ZDHHC21: variants seen among roughly 807,000 people sequenced by gnomAD.
ZDHHC21 encodes zDHHC palmitoyltransferase 21.
In ZDHHC21, 15 loss-of-function variants were observed where a neutral mutation model predicts 34.6. The observed-to-expected ratio is 0.43, with a 90% CI of 0.29 to 0.67. The LOEUF (loss-of-function observed/expected upper bound fraction) is 0.67, where lower values mean the gene tolerates loss of function less well. ZDHHC21 is among the 30% of genes least tolerant of loss of function. ZDHHC21 has a pLI of 0.14. For missense variants in ZDHHC21, 344 were observed against 327.7 expected (o/e 1.05, Z -0.38); for synonymous variants, 142 against 101.8 (o/e 1.40, Z -2.38).
the ZDHHC21 span, chr9:14,589,334 G>C: frequency 6.6e-6 from 1 of 152,288 alleles, no homozygotes; most frequent in East Asian, 1.9e-4. Flanking sequence ...TTGGCTGACA[G>C]GTGGTATAGT....
chr9:14,591,017 C>T, the ZDHHC21 span, among the ~76,000 whole-genome samples: 1 of 152,008 alleles, frequency 6.6e-6, no homozygotes, highest in Non-Finnish European at 1.5e-5. Context: ...TTACATTATA[C>T]TTGAAGTAGC....
intron 7 of ZDHHC21, among the ~76,000 whole-genome samples, chr9:14,646,642 A>C (rs1049760675): frequency 6.6e-6 from 1 of 152,066 alleles, no homozygotes; most frequent in African/African-American, 2.4e-5. Context: ...CGAACTTTCA[A>C]ATCAGGACTG....
intron 7 of ZDHHC21, among the ~76,000 whole-genome samples, chr9:14,656,892 C>G (rs993007228): frequency 1.3e-5 from 2 of 151,940 alleles, no homozygotes; most frequent in African/African-American, 4.8e-5. Context: ...ACTTTTTATA[C>G]TCACTTTTTA....
At chr9:14,677,506 C>T (rs1004312296) in intron 3 of ZDHHC21, 3 of 152,002 alleles carry the variant, frequency 2.0e-5, no homozygotes, top group African/African-American at 7.2e-5. Context: ...CCAAACTGAA[C>T]ACAATGCTGT....
chr9:14,589,144 C>A, the ZDHHC21 span: 2 of 152,236 alleles, frequency 1.3e-5, no homozygotes, highest in South Asian at 2.1e-4. Context: ...TGAGCCTCAA[C>A]AGAAGTGCTC....
intron 2 of ZDHHC21, among the ~76,000 whole-genome samples, chr9:14,681,683 G>C (rs1011475768): frequency 3.9e-5 from 6 of 151,956 alleles, no homozygotes; most frequent in African/African-American, 1.2e-4. Flanking sequence ...GAAATGATGA[G>C]GGCACATGGA....
the ZDHHC21 span, among the ~76,000 whole-genome samples, chr9:14,591,076 C>A: frequency 1.3e-5 from 2 of 151,886 alleles, no homozygotes; most frequent in East Asian, 1.9e-4. Context: ...GTAATTCTAA[C>A]AGAAACCATT....
At chr9:14,640,324 AAG>A (rs1491082879) in intron 7 of ZDHHC21, among the ~76,000 whole-genome samples, 57 of 150,328 alleles carry the variant, frequency 3.8e-4, no homozygotes, top group South Asian at 6.3e-4. Context: ...AAAAAAAAAA[AAG>A]AAAGAAAGAA....
the ZDHHC21 span, among the ~76,000 whole-genome samples, chr9:14,603,942 G>A: frequency 2.6e-5 from 4 of 152,164 alleles, no homozygotes; most frequent in South Asian, 8.3e-4. Flanking sequence ...TATCCTTCAT[G>A]AATTATTGAG....
At chr9:14,684,190 A>G (rs1837898775) in intron 2 of ZDHHC21, among the ~76,000 whole-genome samples, 1 of 151,254 alleles carries the variant, frequency 6.6e-6, no homozygotes, top group South Asian at 2.1e-4. Context: ...TAGTGTTGGA[A>G]GTTCTGGCCA....
At chr9:14,664,354 T>G (rs1351579643) in intron 5 of ZDHHC21, among the ~76,000 whole-genome samples, 1 of 147,990 alleles carries the variant, frequency 6.8e-6, no homozygotes, top group African/African-American at 2.5e-5. Context: ...GCTCGGAGGG[T>G]CCTATGCCCA....
intron 7 of ZDHHC21, among the ~76,000 whole-genome samples, chr9:14,642,494 C>G (rs1037555366): frequency 6.6e-6 from 1 of 152,170 alleles, no homozygotes; most frequent in South Asian, 2.1e-4. Context: ...GCCCTAACCC[C>G]TGTACCTTAG....
chr9:14,638,063 C>T (rs1352445436), intron 8 of ZDHHC21, among the ~76,000 whole-genome samples: 1 of 151,796 alleles, frequency 6.6e-6, no homozygotes, highest in Non-Finnish European at 1.5e-5. Context: ...CCCGAATAGT[C>T]AAAAAAATCC....
In ZDHHC21 at chr9:14,639,912, A is replaced by G; in HGVS notation, c.605T>C (p.Leu202Pro). ...VGITGLFYTQ[L>P]IGIITDTTSI... ...TATACTTACTGTGATGATGCCAATT[A>G]GTTGAGTGTAAAAGAGTCCAGTTAT... The change falls in exon 8 of 10, where the codon CTA (leucine) becomes CCA (proline). Residue 202 changes from leucine (L) to proline (P), a missense_variant. Transcript: ENST00000380916. 1 of 1,588,016 alleles carries G rather than the reference A, an allele frequency of 6.3e-7. No homozygotes were observed.
chr9:14,621,760 A>G (rs1825348065), intron 8 of ZDHHC21, among the ~76,000 whole-genome samples: 1 of 152,134 alleles, frequency 6.6e-6, no homozygotes, highest in South Asian at 2.1e-4. Flanking sequence ...AGGTTATCAC[A>G]TTCACTAGCA....
At chr9:14,619,880 A>AAAACC (rs1824980067) in intron 8 of ZDHHC21, among the ~76,000 whole-genome samples, 198 bp from the exon 9 acceptor site, 2 of 84,120 alleles carry the variant, frequency 2.4e-5, no homozygotes, top group South Asian at 8.7e-4. Flanking sequence ...ACATTATACT[A>AAAACC]TGCAAAAAAA....
intron 2 of ZDHHC21, among the ~76,000 whole-genome samples, chr9:14,681,253 C>A (rs1837318538): frequency 6.6e-6 from 1 of 152,100 alleles, no homozygotes; most frequent in African/African-American, 2.4e-5. Flanking sequence ...CAGACTCGGT[C>A]TCACTATGTT....
intron 7 of ZDHHC21, among the ~76,000 whole-genome samples, chr9:14,643,265 T>C (rs979550667): frequency 2.0e-5 from 3 of 151,710 alleles, no homozygotes; most frequent in African/African-American, 7.3e-5. Flanking sequence ...TATATATATA[T>C]AAAGAAGAAG....
At chr9:14,629,393 G>A (rs980745221) in intron 8 of ZDHHC21, among the ~76,000 whole-genome samples, 3 of 152,138 alleles carry the variant, frequency 2.0e-5, no homozygotes, top group Non-Finnish European at 4.4e-5. Flanking sequence ...AGGGAAGAGA[G>A]TCAGAATCAA....
Sources: allele counts gnomAD v4.1 joint callset (sites outside exome capture counted in the v4.1 genomes callset), GRCh38; gene constraint gnomAD v4.1.1; transcripts MANE v1.5; gene names NCBI Gene and HGNC (gene_info 2026-07-23, HGNC 2026-07-21).